The following RBM20 variants were observed in gnomAD, a reference collection of about 807,000 sequenced individuals.
The protein encoded by RBM20 is RNA binding motif protein 20, also known as RNA-binding protein 20.
Under a neutral mutation model 110.1 loss-of-function variants are expected in RBM20, and 51 were observed. The ratio of observed to expected loss-of-function variants is 0.46; its 90% CI spans 0.37 to 0.59. The LOEUF (loss-of-function observed/expected upper bound fraction) is 0.59. Among genes scored for constraint, RBM20 ranks in the 20% least tolerant of loss-of-function variants. The probability of loss-of-function intolerance (pLI) is 0.00; values close to 1 mark genes in which losing one functional copy is unlikely to be tolerated. For missense variants in RBM20, 1,512 were observed against 1,574.9 expected, an observed-to-expected ratio of 0.96 and a Z score of 0.68; for synonymous variants, 589 against 618.2, an observed-to-expected ratio of 0.95 and a Z score of 0.70.
intron 1 of RBM20, among the ~76,000 whole-genome samples, chr10:110,685,266 G>T (rs1862486281): frequency 6.6e-6 from 1 of 152,200 alleles, no homozygotes; most frequent in Non-Finnish European, 1.5e-5. Flanking sequence ...TGCTCAGCGC[G>T]TTTCATGTAA....
intron 1 of RBM20, among the ~76,000 whole-genome samples, chr10:110,688,220 A>C (rs948996859): frequency 6.6e-6 from 1 of 152,192 alleles, no homozygotes; most frequent in Non-Finnish European, 1.5e-5. Flanking sequence ...GGTTTTTCTT[A>C]AAGTTTTGAG....
chr10:110,830,399 G>A (rs923123988), intron 12 of RBM20, among the ~76,000 whole-genome samples: 1 of 152,174 alleles, frequency 6.6e-6, no homozygotes, highest in Non-Finnish European at 1.5e-5. Context: ...CTAATTGATG[G>A]TTCGGATGTA....
At position 110,781,370 on chromosome 10, in the gene RBM20, C is replaced by T. The variant is rs766868824; in HGVS notation, c.761C>T (p.Ser254Leu). ...GGTCAGCCTGGCTTCCTGCCATCCTCGGCCTCAACCTCGGGCAGTGTGACC... is the reference window on the plus strand; with the variant it reads ...GGTCAGCCTGGCTTCCTGCCATCCTTGGCCTCAACCTCGGGCAGTGTGACC... Reference protein sequence around the residue: ...TDGQPGFLPSSASTSGSVTYE... With the variant: ...TDGQPGFLPSLASTSGSVTYE... Residue 254 changes from serine (S) to leucine (L), a missense_variant, in exon 2 of 14, where the codon TCG becomes TTG. This residue lies in a region of RBM20 where 1,149 missense variants were observed against 1,169.4 expected (regional missense o/e 0.98). Transcript: ENST00000369519. 2.8e-5 allele frequency: 44 copies of T among 1,551,718 alleles called. 1 individual carries two copies. In the African/African-American group the frequency reaches 4.5e-4, roughly 16 times the overall value.
chr10:110,774,592 CTG>C (rs1590670076), intron 1 of RBM20, among the ~76,000 whole-genome samples: 1 of 152,152 alleles, frequency 6.6e-6, no homozygotes, highest in African/African-American at 2.4e-5. Flanking sequence ...CAGCTCTTCT[CTG>C]TCTCGGTGTG....
At chr10:110,815,618 C>A (rs569918948) in intron 9 of RBM20, among the ~76,000 whole-genome samples, 1 of 152,336 alleles carries the variant, frequency 6.6e-6, no homozygotes, top group South Asian at 2.1e-4. Flanking sequence ...ACCCTCTCTC[C>A]CCCAAGGCTG....
intron 1 of RBM20, among the ~76,000 whole-genome samples, chr10:110,658,450 T>C (rs916116274): frequency 7.2e-5 from 11 of 152,030 alleles, no homozygotes; most frequent in African/African-American, 2.4e-4. Flanking sequence ...TAACTAGGAG[T>C]AGCTCAGGGT....
chr10:110,731,222 C>T (rs1057050412), intron 1 of RBM20, among the ~76,000 whole-genome samples: 3 of 152,184 alleles, frequency 2.0e-5, no homozygotes, highest in African/African-American at 7.2e-5. Context: ...TCCCTCCTTT[C>T]TTATTTCCTC....
At chr10:110,715,390 G>A (rs1445797639) in intron 1 of RBM20, among the ~76,000 whole-genome samples, 4 of 152,246 alleles carry the variant, frequency 2.6e-5, no homozygotes, top group South Asian at 2.1e-4. Flanking sequence ...ACTGTCTGCA[G>A]CACTTTCATA....
intron 5 of RBM20, among the ~76,000 whole-genome samples, chr10:110,791,451 G>A (rs12357780): frequency 0.11 from 17,444 of 152,170 alleles, 1,128 homozygotes; most frequent in African/African-American, 0.17. Context: ...TATTTTTACG[G>A]CAACTCTAAG....
intron 1 of RBM20, among the ~76,000 whole-genome samples, chr10:110,766,831 A>G (rs1263607230): frequency 2.0e-5 from 3 of 150,206 alleles, no homozygotes; most frequent in African/African-American, 7.4e-5. Flanking sequence ...GTTCTCAATG[A>G]GCTGTTGGGT....
At chr10:110,694,141 T>C (rs141186340) in intron 1 of RBM20, among the ~76,000 whole-genome samples, 166 of 152,312 alleles carry the variant, frequency 1.1e-3, no homozygotes, top group Middle Eastern at 0.01. Flanking sequence ...AAGCATTTGC[T>C]GCCCTCTACC....
At chr10:110,763,734 A>G (rs1844038690) in intron 1 of RBM20, among the ~76,000 whole-genome samples, 1 of 143,204 alleles carries the variant, frequency 7.0e-6, no homozygotes, top group Non-Finnish European at 1.5e-5. Context: ...ACTTCCTCAC[A>G]GAGAGGGGCT....
chr10:110,740,818 G>T (rs1182840383), intron 1 of RBM20, among the ~76,000 whole-genome samples: 2 of 152,140 alleles, frequency 1.3e-5, no homozygotes, highest in Non-Finnish European at 2.9e-5. Context: ...GCAGATGCAT[G>T]GACGTCCATG....
chr10:110,821,172 C>T (rs1844903806), intron 10 of RBM20, 103 bp from the exon 11 acceptor site: 1 of 945,898 alleles, frequency 1.1e-6, no homozygotes, highest in South Asian at 1.7e-5. Flanking sequence ...GGTAAGAATG[C>T]TCAGATTCTT....
At chr10:110,667,882 T>C (rs1862201922) in intron 1 of RBM20, among the ~76,000 whole-genome samples, 1 of 152,180 alleles carries the variant, frequency 6.6e-6, no homozygotes, top group Non-Finnish European at 1.5e-5. Flanking sequence ...CTGCCCACTT[T>C]CTGGGGCTTG....
chr10:110,767,958 C>A (rs971292735), intron 1 of RBM20, among the ~76,000 whole-genome samples: 2 of 152,246 alleles, frequency 1.3e-5, no homozygotes, highest in African/African-American at 4.8e-5. Context: ...CTGAGTGAAC[C>A]AGACTCCGTC....
At position 110,831,129 on chromosome 10, in the gene RBM20, G is replaced by T. The variant is rs1443028118; in HGVS notation, c.3520G>T (p.Glu1174Ter). Reference sequence around the variant, plus strand: ...GTGTGGGCTGTTCTACACGAGCGAGGAGACAGCAAAGATGAGCCACTGCCG... The same window carrying T: ...GTGTGGGCTGTTCTACACGAGCGAGTAGACAGCAAAGATGAGCCACTGCCG... ...KLCGLFYTSE[E>*]TAKMSHCRSA... The change falls in exon 13 of 14, where the codon GAG becomes TAG. Residue 1174 changes from glutamate (E) to a stop codon, truncating the protein, a stop_gained. Transcript: ENST00000369519. LOFTEE classifies it high-confidence loss of function. The T allele has an allele frequency of 6.4e-7, 1 of 1,551,598 alleles. No homozygotes were observed. Among genetic ancestry groups the T allele is most frequent in the Non-Finnish European group, 8.7e-7 (1 of 1,146,940 alleles).
chr10:110,747,752 A>T (rs1230018267), intron 1 of RBM20, among the ~76,000 whole-genome samples: 1 of 151,954 alleles, frequency 6.6e-6, no homozygotes, highest in Non-Finnish European at 1.5e-5. Flanking sequence ...AAATACACTA[A>T]AAAGAGAAAA....
At chr10:110,757,778 C>T (rs117234122) in intron 1 of RBM20, among the ~76,000 whole-genome samples, 2,499 of 152,270 alleles carry the variant, frequency 0.016, 18 homozygotes, top group Middle Eastern at 0.044. Context: ...TCTGCTACTC[C>T]GTCAGCACTC....
Sources: gnomAD v4.1 joint callset for allele counts (sites outside exome capture counted in the v4.1 genomes callset) on GRCh38, gnomAD v4.1.1 for gene constraint, gnomAD v4.1.1 regional missense constraint, MANE v1.5 for transcripts, NCBI Gene and HGNC (gene_info 2026-07-23, HGNC 2026-07-21) for gene names.